The following FAM234A variants were observed in gnomAD, a reference collection of about 807,000 sequenced individuals.
FAM234A encodes the protein family with sequence similarity 234 member A, also known as protein FAM234A.
A neutral mutation model predicts 49.1 loss-of-function variants in FAM234A; 42 were observed. That is an observed-to-expected ratio of 0.86 (90% CI 0.67 to 1.11). FAM234A has a LOEUF of 1.11. Ranked by LOEUF, FAM234A falls within the 50% of genes least tolerant of loss-of-function variation. FAM234A has a pLI of 0.00. For missense variants in FAM234A, 815 were observed against 745.2 expected (o/e 1.09, Z -1.09); for synonymous variants, 369 against 316.2 (o/e 1.17, Z -1.77).
chr16:245,956 C>T (rs1238151844), intron 1 of FAM234A, among the ~76,000 whole-genome samples: 2 of 152,042 alleles, frequency 1.3e-5, no homozygotes. Context: ...CCTGTAATCC[C>T]AGCACTTTGA....
At chr16:250,900 G>T (rs1242497077) in intron 2 of FAM234A, among the ~76,000 whole-genome samples, 1 of 152,168 alleles carries the variant, frequency 6.6e-6, no homozygotes, top group Non-Finnish European at 1.5e-5. Flanking sequence ...CTGCATTATG[G>T]TGTAATTATG....
At chr16:255,567 C>G (rs962077618) in intron 3 of FAM234A, among the ~76,000 whole-genome samples, 4 of 152,206 alleles carry the variant, frequency 2.6e-5, no homozygotes, top group African/African-American at 9.6e-5. Context: ...GAGAGAGACC[C>G]TGTCTCAAAA....
Position 265,367 on chromosome 16 carries a change from G to T in FAM234A, c.*345G>T. 1 of 1,074,028 alleles carries T rather than the reference G, an allele frequency of 9.3e-7. No homozygotes were observed. The highest frequency in any genetic ancestry group is 1.1e-6 in the Non-Finnish European group (1 of 886,552). 66.5% of individuals were successfully genotyped at this position (1,074,028 alleles called of 1,614,324 possible). ...GTCATGCAGCACCCCATCCTTACCC[G>T]GTGCCCTCTCCTTGCCAGCTTCTCC... On this transcript the variant is annotated 3_prime_UTR_variant, in exon 13 of 13. Coordinates refer to ENST00000399932, the MANE Select transcript of FAM234A (RefSeq NM_032039.4).
intron 3 of FAM234A, among the ~76,000 whole-genome samples, chr16:258,321 C>A (rs1031437050): frequency 5.3e-5 from 8 of 152,180 alleles, no homozygotes; most frequent in African/African-American, 1.9e-4. Context: ...GTGTTTGCGT[C>A]CCTGGGTACT....
chr16:257,080 T>C (rs1407160433), intron 3 of FAM234A, among the ~76,000 whole-genome samples: 3 of 152,012 alleles, frequency 2.0e-5, no homozygotes, highest in Non-Finnish European at 1.5e-5. Flanking sequence ...GGTTTCACCA[T>C]GTTGGCCAGG....
At chr16:244,107 T>C (rs2050712108) in intron 1 of FAM234A, among the ~76,000 whole-genome samples, 2 of 152,078 alleles carry the variant, frequency 1.3e-5, no homozygotes, top group Admixed American at 6.6e-5. Flanking sequence ...TAGCTGGGAC[T>C]ACAGGCACCC....
At chr16:268,896 G>A (rs1177546180), downstream of FAM234A, 4 of 1,550,562 alleles carry the variant, frequency 2.6e-6, no homozygotes, top group Non-Finnish European at 1.7e-6. Context: ...TTGCTTCCGG[G>A]TATTCGCTGG....
intron 3 of FAM234A, among the ~76,000 whole-genome samples, chr16:255,119 G>T (rs2051179823): frequency 6.6e-6 from 1 of 152,208 alleles, no homozygotes; most frequent in Admixed American, 6.5e-5. Context: ...CTCCCAAAGT[G>T]CTGAGATTAC....
intron 9 of FAM234A, 125 bp from the exon 10 acceptor site, chr16:263,575 G>T: frequency 1.6e-6 from 2 of 1,267,252 alleles, no homozygotes; most frequent in South Asian, 2.5e-5. Flanking sequence ...CGTCGGCTCC[G>T]TGTCCTGGGC....
At chr16:236,831 C>T (rs1409052305) in intron 1 of FAM234A, among the ~76,000 whole-genome samples, 1 of 107,672 alleles carries the variant, frequency 9.3e-6, no homozygotes, top group Non-Finnish European at 2.2e-5. Flanking sequence ...GCGGAAACCC[C>T]GGGGGGCGGA....
At position 264,485 on chromosome 16, in the gene FAM234A, G is replaced by T. The variant is rs111397727; in HGVS notation, c.1345-129G>T. 4 of 754,772 alleles carry T rather than the reference G, an allele frequency of 5.3e-6. No homozygotes were observed. The Admixed American group carries it at 9.2e-5, about 17-fold the overall frequency. 46.8% of individuals were successfully genotyped at this position (754,772 alleles called of 1,614,324 possible). On this transcript the variant is annotated intron_variant, in intron 11 of 12. Transcript: ENST00000399932. Reference sequence around the variant, plus strand: ...CTGGGAGGTGGCCACAGAACTGGGGGCTGGCATTTGGGGGACCCAGATAGG... The same window carrying T: ...CTGGGAGGTGGCCACAGAACTGGGGTCTGGCATTTGGGGGACCCAGATAGG...
At chr16:243,249 GA>G (rs375956881) in intron 1 of FAM234A, among the ~76,000 whole-genome samples, 2 of 152,230 alleles carry the variant, frequency 1.3e-5, no homozygotes, top group African/African-American at 4.8e-5. Flanking sequence ...AAAGCACTAG[GA>G]TTATAGGCGT....
chr16:235,242 G>A (rs2050357858), intron 1 of FAM234A, among the ~76,000 whole-genome samples: 1 of 152,198 alleles, frequency 6.6e-6, no homozygotes, highest in South Asian at 2.1e-4. Context: ...TCTTGGTGCC[G>A]CCTGGGTTGC....
chr16:257,917 G>A (rs529712311), intron 3 of FAM234A, among the ~76,000 whole-genome samples: 15 of 152,144 alleles, frequency 9.9e-5, no homozygotes, highest in African/African-American at 3.1e-4. Flanking sequence ...GAGTGCGGTG[G>A]CTCAATCTCA....
Position 254,639 on chromosome 16 carries a change from C to T in FAM234A, c.226C>T (p.Pro76Ser), listed in dbSNP as rs1361660861. ...ATTCGTCATCCCGTGTCCAGACCGG[C>T]CGGCGTCACAGCGAATGTGGAGGAT... ...VSFVIPCPDR[P>S]ASQRMWRIDY... Residue 76 changes from proline to serine, a missense_variant, in exon 3 of 13, where the codon CCG becomes TCG. Transcript: ENST00000399932. 6.2e-7 allele frequency: 1 copy of T among 1,614,092 alleles called. No homozygotes were observed. The highest frequency in any genetic ancestry group is 1.7e-5 in the Admixed American group (1 of 60,030).
At chr16:239,208 G>A (rs1159053424) in intron 1 of FAM234A, among the ~76,000 whole-genome samples, 3 of 136,058 alleles carry the variant, frequency 2.2e-5, no homozygotes, top group Admixed American at 7.7e-5. Context: ...GATGAGGCAG[G>A]AGAATCGCTT....
At chr16:262,786 G>A (rs1203281985) in intron 8 of FAM234A, among the ~76,000 whole-genome samples, 4 of 151,980 alleles carry the variant, frequency 2.6e-5, no homozygotes, top group Non-Finnish European at 2.9e-5. Flanking sequence ...CGGAAAGTGG[G>A]GGTCTTTCTT....
intron 1 of FAM234A, among the ~76,000 whole-genome samples, chr16:244,156 G>T (rs1201312506): frequency 1.3e-5 from 2 of 152,050 alleles, no homozygotes; most frequent in East Asian, 3.9e-4. Context: ...CTTTAGTAGA[G>T]ATGGGGTTTC....
At chr16:236,536 T>C (rs1032235993) in intron 1 of FAM234A, among the ~76,000 whole-genome samples, 1 of 150,888 alleles carries the variant, frequency 6.6e-6, no homozygotes, top group African/African-American at 2.4e-5. Flanking sequence ...GGCAGGAGAA[T>C]AGCTTGAACC....
Sources: gnomAD v4.1 joint callset for allele counts (sites outside exome capture counted in the v4.1 genomes callset) on GRCh38, gnomAD v4.1.1 for gene constraint, MANE v1.5 for transcripts, NCBI Gene and HGNC (gene_info 2026-07-23, HGNC 2026-07-21) for gene names.